GLMN: variants seen among roughly 807,000 people sequenced by gnomAD.
The protein encoded by GLMN is glomulin, FKBP associated protein.
GLMN carries 75 observed loss-of-function variants against 87.8 expected under a neutral mutation model. The observed-to-expected ratio is 0.85, with a 90% CI of 0.71 to 1.04. The LOEUF (loss-of-function observed/expected upper bound fraction) is 1.04, where lower values mean the gene tolerates loss of function less well. GLMN is among the 50% of genes least tolerant of loss of function. The pLI is 0.00. For missense variants in GLMN, 588 were observed against 658.8 expected, an observed-to-expected ratio of 0.89 and a Z score of 1.18; for synonymous variants, 206 against 221.6, an observed-to-expected ratio of 0.93 and a Z score of 0.63.
At chr1:92,260,586 G>A (rs1654899992) in intron 16 of GLMN, among the ~76,000 whole-genome samples, 1 of 151,440 alleles carries the variant, frequency 6.6e-6, no homozygotes, top group South Asian at 2.1e-4. Context: ...CTGCACTCCA[G>A]CCTGGGCGAC....
At chr1:92,291,955 T>TA (rs1017015260) in intron 3 of GLMN, among the ~76,000 whole-genome samples, 234 of 152,078 alleles carry the variant, frequency 1.5e-3, no homozygotes, top group African/African-American at 5.3e-3. Context: ...TTGTAATTTA[T>TA]AAAAAAAAGA....
At chr1:92,258,244 C>T (rs1010290126) in intron 16 of GLMN, among the ~76,000 whole-genome samples, 23 of 113,840 alleles carry the variant, frequency 2.0e-4, no homozygotes, top group African/African-American at 6.9e-4. Flanking sequence ...ATTAAAAAGT[C>T]AGGAAACAAC....
chr1:92,264,706 G>A (rs1655417496), intron 13 of GLMN, 68 bp from the exon 14 acceptor site: 1 of 892,988 alleles, frequency 1.1e-6, no homozygotes, highest in Non-Finnish European at 1.9e-6. Context: ...GGTGATAAAA[G>A]TTTTACAAAT....
At chr1:92,258,885 A>G (rs1346571153) in intron 16 of GLMN, among the ~76,000 whole-genome samples, 1 of 152,120 alleles carries the variant, frequency 6.6e-6, no homozygotes, top group Non-Finnish European at 1.5e-5. Context: ...GTATCCCAGA[A>G]CTTAAAAGTA....
At chr1:92,277,813 T>C (rs778910669) in intron 7 of GLMN, among the ~76,000 whole-genome samples, 2 of 152,170 alleles carry the variant, frequency 1.3e-5, no homozygotes, top group Admixed American at 1.3e-4. Flanking sequence ...ATATTCTTTA[T>C]AGTAAACCAC....
chr1:92,269,871 A>C (rs1431191465), intron 8 of GLMN, 95 bp from the exon 9 acceptor site: 4 of 834,456 alleles, frequency 4.8e-6, no homozygotes, highest in African/African-American at 3.4e-5. Context: ...TATCTCCCCC[A>C]AAAAAGATAT....
chr1:92,304,774 C>T, the GLMN span, among the ~76,000 whole-genome samples: 3 of 152,102 alleles, frequency 2.0e-5, no homozygotes, highest in Admixed American at 6.5e-5. Flanking sequence ...AAAATTGATG[C>T]CTATCTCAGT....
the GLMN span, among the ~76,000 whole-genome samples, chr1:92,355,328 T>C: frequency 3.3e-5 from 5 of 152,182 alleles, no homozygotes; most frequent in South Asian, 2.1e-4. Flanking sequence ...TCATTGACTA[T>C]TGTTGGCAGT....
the GLMN span, among the ~76,000 whole-genome samples, chr1:92,350,967 C>T: frequency 6.6e-6 from 1 of 151,728 alleles, no homozygotes; most frequent in South Asian, 2.1e-4. Flanking sequence ...TATTTAGTAC[C>T]TATATACTCT....
chr1:92,352,870 G>C, the GLMN span, among the ~76,000 whole-genome samples: 39 of 151,992 alleles, frequency 2.6e-4, no homozygotes, highest in Non-Finnish European at 5.1e-4. Context: ...CCTTCCTCTA[G>C]TCCTCTGGCA....
chr1:92,336,862 C>A, the GLMN span, among the ~76,000 whole-genome samples: 1 of 151,932 alleles, frequency 6.6e-6, no homozygotes, highest in Non-Finnish European at 1.5e-5. Context: ...AGACAGTGGG[C>A]AATTTAATAT....
chr1:92,247,890 T>TA lies in GLMN; in HGVS notation c.1572dup (p.Lys525Ter). 7.9e-7 allele frequency: 1 copy of TA among 1,260,188 alleles called. No homozygotes were observed. Among genetic ancestry groups the TA allele is most frequent in the Non-Finnish European group, 1.2e-6 (1 of 858,836 alleles). 78.1% of individuals were successfully genotyped at this position (1,260,188 alleles called of 1,614,324 possible). A position where few individuals can be genotyped will look rare whatever the true frequency, so the allele number is the denominator to read the frequency against. ...GCACATTACCAACCTTGGCTATTTTTAATTTCTGCTTCATAATGTGCTTTT... is the reference window on the plus strand; with the variant it reads ...GCACATTACCAACCTTGGCTATTTTTAAATTTCTGCTTCATAATGTGCTTTT... On this transcript the variant is annotated frameshift_variant, in exon 17 of 19. Transcript: ENST00000370360. LOFTEE classifies it high-confidence loss of function.
intron 7 of GLMN, 131 bp downstream of exon 7, chr1:92,286,359 C>T: frequency 6.5e-6 from 3 of 458,236 alleles, no homozygotes; most frequent in South Asian, 4.8e-5. Context: ...TATTTTCCAT[C>T]TTTTGTTTAT....
chr1:92,363,453 A>G, the GLMN span, among the ~76,000 whole-genome samples: 3 of 152,222 alleles, frequency 2.0e-5, no homozygotes, highest in Non-Finnish European at 2.9e-5. Context: ...GTGGCTGCAG[A>G]TGCATTTATA....
the GLMN span, chr1:92,333,315 T>A: frequency 6.0e-6 from 7 of 1,159,196 alleles, no homozygotes; most frequent in African/African-American, 1.1e-4. Flanking sequence ...TGTGTTTTAA[T>A]GTTTATTGTT....
intron 16 of GLMN, among the ~76,000 whole-genome samples, chr1:92,255,346 C>G (rs753980824): frequency 1.6e-4 from 24 of 152,118 alleles, no homozygotes; most frequent in Non-Finnish European, 2.9e-4. Flanking sequence ...TCAGACAGAT[C>G]AACAAGACAG....
rs778178828 is a variant in GLMN, at chr1:92,283,093, T to G, written c.735+3397A>C. 4.6e-5 allele frequency among the ~76,000 whole-genome samples: 7 copies of G among 151,900 alleles called. No homozygotes were observed. The South Asian group carries it at 1.2e-3, about 27-fold the overall frequency. On this transcript the variant is annotated intron_variant, in intron 7 of 18. Coordinates refer to ENST00000370360, the MANE Select transcript of GLMN (RefSeq NM_053274.3). ...TTCCTTCTGAAACTATTCCAATCAA[T>G]AGAAAAAGAGGGAATCCTCCCTAAC...
rs536965453 is a variant in GLMN at position 92,292,819 on chromosome 1, G to A, written c.166-1282C>T. On this transcript the variant is annotated intron_variant, in intron 3 of 18. Coordinates refer to ENST00000370360, the MANE Select transcript of GLMN (RefSeq NM_053274.3). Reference sequence around the variant, plus strand: ...GAGGTGGGTGGATCACTTGAGCTCAGGAGTTCAAGACCAGCCTGGGCAACA... The same window carrying A: ...GAGGTGGGTGGATCACTTGAGCTCAAGAGTTCAAGACCAGCCTGGGCAACA... Among the ~76,000 whole-genome samples, 6 of 150,618 alleles carry A rather than the reference G, an allele frequency of 4.0e-5. No individual in the cohort carries two copies. The South Asian group carries it at 1.0e-3, about 26-fold the overall frequency.
chr1:92,269,833 C>T (rs1429860407), intron 8 of GLMN, 57 bp from the exon 9 acceptor site: 1 of 1,091,754 alleles, frequency 9.2e-7, no homozygotes, highest in Non-Finnish European at 1.4e-6. Context: ...GATATGTACA[C>T]ACATACATAT....
Sources: allele counts gnomAD v4.1 joint callset (sites outside exome capture counted in the v4.1 genomes callset), GRCh38; gene constraint gnomAD v4.1.1; transcripts MANE v1.5; gene names NCBI Gene and HGNC (gene_info 2026-07-23, HGNC 2026-07-21).